The following DDX59 variants were observed in gnomAD, a reference collection of about 807,000 sequenced individuals.
DDX59 encodes DEAD-box helicase 59, also known as probable ATP-dependent RNA helicase DDX59.
A neutral mutation model predicts 51.9 loss-of-function variants in DDX59; 30 were observed. That is an observed-to-expected ratio of 0.58 (90% CI 0.43 to 0.78). DDX59 has a LOEUF of 0.78. DDX59 is among the 30% of genes least tolerant of loss of function. DDX59 has a pLI of 0.00. For missense variants in DDX59, 672 were observed against 730.8 expected (o/e 0.92, Z 0.93); for synonymous variants, 255 against 253.3 (o/e 1.01, Z -0.06).
rs1214759889 is a variant in DDX59, at chr1:200,665,948, C to T, written c.793G>A (p.Ala265Thr). 6.2e-7 allele frequency: 1 copy of T among 1,604,262 alleles called. No homozygotes were observed. The highest frequency in any genetic ancestry group is 1.3e-5 in the African/African-American group (1 of 74,606). ...AAFLLPVIMR[A>T]LFESKTPSAL... ...TTATTAACACTTACCTCGAATAAAG[C>T]TCGCATGATAACAGGAAGAAGAAAA... The change falls in exon 2 of 8, where the codon GCT (alanine) becomes ACT (threonine). Residue 265 changes from alanine to threonine, a missense_variant. Physicochemically the swap from Ala to Thr is moderately conservative, Grantham distance 58. Transcript: ENST00000331314.
rs907809459 is a variant in DDX59, at chr1:200,664,096, T to C, written c.805-10A>G. ...CAGATGGAGTTTTGCTCTGCAAAGA[T>C]GTGAAAAACAAGTTTAAAAACACCA... On this transcript the variant is annotated splice_polypyrimidine_tract_variant and intron_variant, in intron 2 of 7. Transcript: ENST00000331314. 6.2e-7 allele frequency: 1 copy of C among 1,603,992 alleles called. No homozygotes were observed. Among genetic ancestry groups the C allele is most frequent in the Non-Finnish European group, 8.5e-7 (1 of 1,177,012 alleles).
At position 200,659,110 on chromosome 1, in the gene DDX59, T is replaced by A. The variant is rs1259678925; in HGVS notation, c.979A>T (p.Ile327Leu). 18 of 1,612,054 alleles carry A rather than the reference T, an allele frequency of 1.1e-5. No individual in the cohort carries two copies. The Admixed American group carries it at 3.0e-4, about 27-fold the overall frequency. ...TCCAGAAGTCGCCCAGGGGTTGCTA[T>A]GATAACCTAAATAAAAGAGAAAAAG... Reference protein sequence around the residue: ...YRLQQHVKVIIATPGRLLDII... With the variant: ...YRLQQHVKVILATPGRLLDII... The change falls in exon 4 of 8, where the codon ATA becomes TTA. Residue 327 changes from isoleucine to leucine, a missense_variant. Physicochemically the swap from Ile to Leu is conservative, Grantham distance 5. Coordinates refer to ENST00000331314, the MANE Select transcript of DDX59 (RefSeq NM_001031725.6).
chr1:200,647,231 G>A (rs1183706482), intron 7 of DDX59, among the ~76,000 whole-genome samples: 1 of 152,192 alleles, frequency 6.6e-6, no homozygotes, highest in African/African-American at 2.4e-5. Flanking sequence ...AGCAGTCAGT[G>A]AGATAATGCA....
intron 7 of DDX59, among the ~76,000 whole-genome samples, chr1:200,645,602 T>G (rs1002217328): frequency 6.6e-6 from 1 of 152,166 alleles, no homozygotes; most frequent in Admixed American, 6.5e-5. Flanking sequence ...GGACACAAAT[T>G]TATGGAGTAT....
intron 3 of DDX59, 64 bp from the exon 4 acceptor site, chr1:200,659,180 A>G: frequency 7.8e-7 from 1 of 1,288,644 alleles, no homozygotes; most frequent in Non-Finnish European, 1.1e-6. Flanking sequence ...CATTCATTCC[A>G]TATTGATTGA....
chr1:200,668,027 A>G (rs1469944288), intron 1 of DDX59, among the ~76,000 whole-genome samples: 2 of 152,148 alleles, frequency 1.3e-5, no homozygotes, highest in Admixed American at 1.3e-4. Flanking sequence ...GGCTGGGCGC[A>G]GTGGCTCACG....
intron 4 of DDX59, among the ~76,000 whole-genome samples, chr1:200,657,541 A>T (rs1254621144): frequency 6.6e-6 from 1 of 152,130 alleles, no homozygotes; most frequent in East Asian, 1.9e-4. Context: ...CAAGGTCAGG[A>T]GATTGAGACC....
intron 4 of DDX59, among the ~76,000 whole-genome samples, chr1:200,651,146 G>C (rs1300052395): frequency 1.3e-5 from 2 of 151,958 alleles, no homozygotes; most frequent in East Asian, 3.9e-4. Flanking sequence ...ATACCAGGGA[G>C]AAGCCTGGAG....
intron 3 of DDX59, among the ~76,000 whole-genome samples, chr1:200,663,404 T>C (rs1662501121): frequency 2.0e-5 from 3 of 152,190 alleles, no homozygotes; most frequent in African/African-American, 4.8e-5. Flanking sequence ...AAGTAACTTA[T>C]CTATGGCCAT....
downstream of DDX59, among the ~76,000 whole-genome samples, chr1:200,643,336 A>G (rs1156965065): frequency 6.6e-6 from 1 of 152,102 alleles, no homozygotes; most frequent in Non-Finnish European, 1.5e-5. Flanking sequence ...TTTTCTGGCC[A>G]TGCCACTTTT....
intron 7 of DDX59, among the ~76,000 whole-genome samples, chr1:200,648,149 G>A (rs542721805): frequency 1.3e-5 from 2 of 151,598 alleles, no homozygotes; most frequent in Admixed American, 1.3e-4. Flanking sequence ...TCAGCCTCCT[G>A]AGTAGTTGGG....
chr1:200,656,224 A>C (rs910104375), intron 4 of DDX59, among the ~76,000 whole-genome samples: 9 of 152,156 alleles, frequency 5.9e-5, no homozygotes, highest in Non-Finnish European at 1.0e-4. Context: ...TTTGTAAATA[A>C]TGTTTTATGG....
intron 7 of DDX59, among the ~76,000 whole-genome samples, chr1:200,645,736 T>TA (rs1323635890): frequency 1.3e-5 from 2 of 152,174 alleles, no homozygotes; most frequent in East Asian, 3.8e-4. Context: ...ATGTAAAACT[T>TA]AAAGTCTATA....
intron 5 of DDX59, among the ~76,000 whole-genome samples, chr1:200,649,960 A>C (rs988189977): frequency 6.6e-6 from 1 of 150,820 alleles, no homozygotes; most frequent in African/African-American, 2.4e-5. Flanking sequence ...CTCCTGCCTC[A>C]GCCTCCCGAG....
intron 2 of DDX59, 108 bp downstream of exon 2, chr1:200,665,829 A>G: frequency 8.0e-7 from 1 of 1,253,862 alleles, no homozygotes; most frequent in South Asian, 1.7e-5. Flanking sequence ...CTAAAATTCC[A>G]AATATTTAGT....
Position 200,666,382 on chromosome 1 carries a change from T to A in DDX59, c.359A>T (p.Asp120Val), listed in dbSNP as rs923621522. 1 of 1,614,216 alleles carries A rather than the reference T, an allele frequency of 6.2e-7. No individual in the cohort carries two copies. The change falls in exon 2 of 8, where the codon GAT becomes GTT. Residue 120 changes from aspartate (D) to valine (V), a missense_variant. Coordinates refer to ENST00000331314, the MANE Select transcript of DDX59 (RefSeq NM_001031725.6). The part of the protein sequence containing the change: ...VCGRYGEYIC[D>V]KTDEDVCSLE... ...ACTACACACATCTTCATCTGTCTTA[T>A]CACAGATATACTCTCCATAACGACC...
At position 200,666,589 on chromosome 1, in the gene DDX59, G is replaced by A. The variant is rs753660760; in HGVS notation, c.152C>T (p.Thr51Ile). ...PVDAVATEAA[T>I]IDRHISESCP... ...TGATTCGCTGATGTGCCTGTCTATT[G>A]TGGCTGCTTCTGTAGCTACAGCATC... The change falls in exon 2 of 8, where the codon ACA becomes ATA. Residue 51 changes from threonine to isoleucine, a missense_variant. Thr to Ile is a moderately conservative substitution (Grantham distance 89, BLOSUM62 -1). Transcript: ENST00000331314. 4.3e-6 allele frequency: 7 copies of A among 1,614,192 alleles called. No homozygotes were observed. In the South Asian group the frequency reaches 7.7e-5, roughly 18 times the overall value.
At chr1:200,660,095 C>G (rs564615189) in intron 3 of DDX59, among the ~76,000 whole-genome samples, 1 of 152,250 alleles carries the variant, frequency 6.6e-6, no homozygotes, top group South Asian at 2.1e-4. Context: ...TATTTTGAAA[C>G]CTACAGGTTG....
chr1:200,650,977 T>C (rs1271885869), intron 4 of DDX59, among the ~76,000 whole-genome samples: 1 of 152,108 alleles, frequency 6.6e-6, no homozygotes, highest in Non-Finnish European at 1.5e-5. Context: ...CATATGACAC[T>C]ATGCTGTCAA....
Sources: allele counts gnomAD v4.1 joint callset (sites outside exome capture counted in the v4.1 genomes callset), GRCh38; gene constraint gnomAD v4.1.1; transcripts MANE v1.5; gene names NCBI Gene and HGNC (gene_info 2026-07-23, HGNC 2026-07-21).